POLQ: variants seen among roughly 807,000 people sequenced by gnomAD.
POLQ encodes epididymis secretory sperm binding protein.
POLQ carries 233 observed loss-of-function variants against 259.2 expected under a neutral mutation model. The ratio of observed to expected loss-of-function variants is 0.90; its 90% confidence interval spans 0.81 to 1.00. The LOEUF (loss-of-function observed/expected upper bound fraction) is 1.00, where lower values mean the gene tolerates loss of function less well. Among genes scored for constraint, POLQ ranks in the 50% least tolerant of loss-of-function variants. The pLI, the probability that POLQ is intolerant of heterozygous loss-of-function variation, is 0.00. For synonymous variants in POLQ, 1,025 were observed against 1,048.8 expected (o/e 0.98, Z 0.44); for missense variants, 2,871 against 3,051.6 (o/e 0.94, Z 1.39).
At chr3:121,471,484 G>A (rs2047882887) in intron 22 of POLQ, among the ~76,000 whole-genome samples, 1 of 152,146 alleles carries the variant, frequency 6.6e-6, no homozygotes, top group South Asian at 2.1e-4. Context: ...GCTCACGCCT[G>A]TAATCCCAGC....
At chr3:121,497,871 A>T (rs2048136795) in intron 13 of POLQ, among the ~76,000 whole-genome samples, 1 of 152,258 alleles carries the variant, frequency 6.6e-6, no homozygotes, top group Non-Finnish European at 1.5e-5. Flanking sequence ...GTGAAGTCAC[A>T]GTAAGTTGGT....
At chr3:121,439,506 T>C (rs897283830) in intron 27 of POLQ, among the ~76,000 whole-genome samples, 2 of 152,214 alleles carry the variant, frequency 1.3e-5, no homozygotes, top group African/African-American at 4.8e-5. Flanking sequence ...GTGCTGGGAC[T>C]ACAGGCATGA....
rs1384284568 is a variant in POLQ at position 121,488,847 on chromosome 3, T to C, written c.4084A>G (p.Asn1362Asp). 1.9e-6 allele frequency: 3 copies of C among 1,613,828 alleles called. No individual in the cohort carries two copies. Among genetic ancestry groups the C allele is most frequent in the African/African-American group, 2.7e-5 (2 of 74,918 alleles). ...TCCTTCTGAAAAGAGTTCATTGAGT[T>C]CTGTTGGACTAAGCTCTTCTGCATT... The part of the protein sequence containing the change: ...GIMQKSLVQQ[N>D]SMNSFQKECH... The change falls in exon 16 of 30, where the codon AAC (asparagine) becomes GAC (aspartate). Residue 1362 changes from asparagine (N) to aspartate (D), a missense_variant. Asn to Asp is a conservative substitution (Grantham distance 23, BLOSUM62 1). This residue lies in a region of POLQ where 2,080 missense variants were observed against 2,126.0 expected (regional missense o/e 0.98). Transcript: ENST00000264233.
At chr3:121,536,766 T>C (rs977363238) in intron 5 of POLQ, among the ~76,000 whole-genome samples, 4 of 152,136 alleles carry the variant, frequency 2.6e-5, no homozygotes, top group African/African-American at 9.7e-5. Context: ...TGCCTCAGCC[T>C]ACTGAGAAGC....
chr3:121,517,325 G>A (rs935683425), intron 9 of POLQ, among the ~76,000 whole-genome samples: 10 of 151,578 alleles, frequency 6.6e-5, no homozygotes, highest in African/African-American at 7.3e-5. Context: ...CAGGATAAAC[G>A]TCTCTGATGT....
Position 121,509,003 on chromosome 3 carries a change from G to A in POLQ, c.1959+558C>T, listed in dbSNP as rs1055249103. On this transcript the variant is annotated intron_variant, in intron 12 of 29. Transcript: ENST00000264233. ...AATTCCTTATTGCATTTATTATAGA[G>A]ATTTTTATCAAACAATGTTAAGTTC... 3.9e-5 allele frequency among the ~76,000 whole-genome samples: 6 copies of A among 152,188 alleles called. No individual in the cohort carries two copies. The East Asian group carries it at 9.6e-4, about 24-fold the overall frequency.
chr3:121,505,408 G>C (rs1469473009), intron 12 of POLQ, among the ~76,000 whole-genome samples: 1 of 152,176 alleles, frequency 6.6e-6, no homozygotes, highest in African/African-American at 2.4e-5. Flanking sequence ...ACACTGAAAA[G>C]CAGAGCAATG....
At chr3:121,503,331 A>C (rs1348952759) in intron 12 of POLQ, among the ~76,000 whole-genome samples, 1 of 152,230 alleles carries the variant, frequency 6.6e-6, no homozygotes, top group African/African-American at 2.4e-5. Flanking sequence ...CACAACAATG[A>C]AATTAGCTAA....
At chr3:121,467,894 A>G (rs566754542) in intron 23 of POLQ, among the ~76,000 whole-genome samples, 126 of 152,272 alleles carry the variant, frequency 8.3e-4, no homozygotes, top group Non-Finnish European at 1.5e-3. Context: ...CTAGCTAGGC[A>G]TGGTGGCACA....
intron 9 of POLQ, among the ~76,000 whole-genome samples, chr3:121,516,432 G>A (rs752613367): frequency 5.9e-5 from 9 of 152,088 alleles, no homozygotes; most frequent in East Asian, 1.9e-4. Flanking sequence ...AAGGTCTTTC[G>A]GGGCTTTGAT....
At chr3:121,485,714 A>G (rs1373484451) in intron 16 of POLQ, among the ~76,000 whole-genome samples, 1 of 152,170 alleles carries the variant, frequency 6.6e-6, no homozygotes, top group Non-Finnish European at 1.5e-5. Flanking sequence ...CTTAGTACAT[A>G]TTTATTAAAT....
intron 5 of POLQ, among the ~76,000 whole-genome samples, chr3:121,533,875 CT>C (rs1436270626): frequency 6.7e-6 from 1 of 149,456 alleles, no homozygotes; most frequent in African/African-American, 2.5e-5. Flanking sequence ...CTGAGCATCA[CT>C]TCATGTGTAT....
At chr3:121,465,306 G>T (rs1012004678) in intron 24 of POLQ, among the ~76,000 whole-genome samples, 1 of 151,936 alleles carries the variant, frequency 6.6e-6, no homozygotes, top group African/African-American at 2.4e-5. Context: ...TGCCCAGGCT[G>T]GTCATGAAGT....
At chr3:121,448,837 C>T (rs1040166112) in intron 26 of POLQ, among the ~76,000 whole-genome samples, 25 of 151,986 alleles carry the variant, frequency 1.6e-4, no homozygotes, top group African/African-American at 5.6e-4. Context: ...AACTATATAC[C>T]TTTTTCAGGG....
At chr3:121,477,602 A>G (rs1396670596) in intron 19 of POLQ, among the ~76,000 whole-genome samples, 1 of 152,184 alleles carries the variant, frequency 6.6e-6, no homozygotes, top group African/African-American at 2.4e-5. Flanking sequence ...AAAGTCCCAA[A>G]CTTATTTGAC....
Position 121,483,396 on chromosome 3 carries a change from T to C in POLQ, c.5960A>G (p.Glu1987Gly). Residue 1987 changes from glutamate to glycine, a missense_variant, in exon 18 of 30, where the codon GAA becomes GGA. Glu to Gly is a moderately conservative substitution (Grantham distance 98). Transcript: ENST00000264233. ...AATTAGACATAGAACCTTAGGATCT[T>C]CATAACTTTGCTCCAAGGAGATGCC... ...SCGISLEQSY[E>G]DPKVACWLLD... 6.4e-7 allele frequency: 1 copy of C among 1,551,124 alleles called. No individual in the cohort carries two copies. Among genetic ancestry groups the C allele is most frequent in the Non-Finnish European group, 8.7e-7 (1 of 1,155,664 alleles).
At chr3:121,476,082 G>A (rs577076622) in intron 20 of POLQ, among the ~76,000 whole-genome samples, 1 of 152,256 alleles carries the variant, frequency 6.6e-6, no homozygotes, top group South Asian at 2.1e-4. Flanking sequence ...GCTAAATGAT[G>A]AGAATTCATG....
At chr3:121,536,088 G>A (rs2048448746) in intron 5 of POLQ, among the ~76,000 whole-genome samples, 1 of 152,118 alleles carries the variant, frequency 6.6e-6, no homozygotes, top group Non-Finnish European at 1.5e-5. Flanking sequence ...AAACAAAAAA[G>A]ACAGTTATTA....
intron 5 of POLQ, 88 bp downstream of exon 5, chr3:121,537,012 A>G (rs1201913811): frequency 2.8e-6 from 2 of 716,666 alleles, no homozygotes; most frequent in African/African-American, 1.8e-5. Context: ...ACACTCCCTT[A>G]ATTTATTTAA....
Sources: allele counts gnomAD v4.1 joint callset (sites outside exome capture counted in the v4.1 genomes callset), GRCh38; gene constraint gnomAD v4.1.1; regional missense constraint gnomAD v4.1.1; transcripts MANE v1.5; gene names NCBI Gene and HGNC (gene_info 2026-07-23, HGNC 2026-07-21).